Variants in DNAH9 observed in about 807,000 individuals in gnomAD.
DNAH9 encodes the protein DNAH9 variant protein.
In DNAH9, 345 loss-of-function variants were observed where a neutral mutation model predicts 471.6. The observed-to-expected ratio is 0.73, with a 90% CI of 0.67 to 0.80. The LOEUF is 0.80. Among genes scored for constraint, DNAH9 ranks in the 30% least tolerant of loss-of-function variants. DNAH9 has a pLI of 0.00. For synonymous variants in DNAH9, 2,093 were observed against 2,123.6 expected, an observed-to-expected ratio of 0.99 and a Z score of 0.40; for missense variants, 5,407 against 5,609.2, an observed-to-expected ratio of 0.96 and a Z score of 1.15.
In DNAH9 at chr17:11,679,854, C is replaced by T. The variant is rs1337808919; in HGVS notation, c.3451C>T (p.His1151Tyr). The stretch of plus-strand genomic sequence containing the variant: ...CCAAGGCTTGGTTGAGATCATGGGA[C>T]ACCTTATGGCTGTTAAAGAACGGCA... ...DFQGLVEIMG[H>Y]LMAVKERQSN... is the part of the protein sequence containing the mutation. The change falls in exon 18 of 69, where the codon CAC becomes TAC. Residue 1151 changes from histidine (H) to tyrosine (Y), a missense_variant. His to Tyr is a moderately conservative substitution (Grantham distance 83). Coordinates refer to ENST00000262442, the MANE Select transcript of DNAH9 (RefSeq NM_001372.4). 1.9e-6 allele frequency: 3 copies of T among 1,614,010 alleles called. No homozygotes were observed. The highest frequency in any genetic ancestry group is 1.1e-5 in the South Asian group (1 of 91,080).
chr17:11,789,868 C>G (rs749632397), intron 41 of DNAH9, among the ~76,000 whole-genome samples: 64 of 151,984 alleles, frequency 4.2e-4, no homozygotes, highest in Non-Finnish European at 2.8e-4. Flanking sequence ...CTACATCATG[C>G]AAGCTTTTAT....
At chr17:11,767,293 TAAGAATGGGG>T (rs1967992897) in intron 36 of DNAH9, among the ~76,000 whole-genome samples, 2 of 152,168 alleles carry the variant, frequency 1.3e-5, no homozygotes, top group South Asian at 4.1e-4. Context: ...ATCTAGGAGT[TAAGAATGGGG>T]GTTTCCTCTA....
In DNAH9 at chr17:11,699,820, C is replaced by T. The variant is rs753404936; in HGVS notation, c.4962C>T (p.Leu1654=). The change falls in exon 23 of 69, where the codon CTC becomes CTT. Residue 1654 remains leucine (L), a synonymous_variant. Coordinates refer to ENST00000262442, the MANE Select transcript of DNAH9 (RefSeq NM_001372.4). ...DASGEPTKTS[L]GMYSKEEEYV... ...GTGGGGAACCAACCAAGACAAGCCT[C>T]GGCATGTACAGCAAAGAAGAGGAGT... 54 of 1,613,908 alleles carry T rather than the reference C, an allele frequency of 3.3e-5. No homozygotes were observed. Among genetic ancestry groups the T allele is most frequent in the Admixed American group, 2.3e-4 (14 of 60,002 alleles).
At chr17:11,922,297 AT>A (rs1974162514) in intron 61 of DNAH9, among the ~76,000 whole-genome samples, 1 of 152,222 alleles carries the variant, frequency 6.6e-6, no homozygotes. Context: ...CTGAAACTAA[AT>A]TTTTTTTAAG....
rs138117938 is a variant in DNAH9 at position 11,637,974 on chromosome 17, A to T, written c.1786+1190A>T. 1.9e-3 allele frequency among the ~76,000 whole-genome samples: 286 copies of T among 152,234 alleles called. 5 individuals carry two copies. In the East Asian group the frequency reaches 0.048, roughly 25 times the overall value. ...GAGGAGACAAAGGCCTTCAAAGCAGATATGAGAGGATATGGAATGTGATCA... is the reference window on the plus strand; with the variant it reads ...GAGGAGACAAAGGCCTTCAAAGCAGTTATGAGAGGATATGGAATGTGATCA... On this transcript the variant is annotated intron_variant, in intron 9 of 68. Coordinates refer to ENST00000262442, the MANE Select transcript of DNAH9 (RefSeq NM_001372.4).
chr17:11,939,298 C>T (rs1356638268), intron 66 of DNAH9, among the ~76,000 whole-genome samples: 1 of 152,136 alleles, frequency 6.6e-6, no homozygotes, highest in East Asian at 1.9e-4. Context: ...CTGGAAAAGG[C>T]TGAGACTGTA....
At chr17:11,732,738 T>A (rs2075289087) in intron 28 of DNAH9, among the ~76,000 whole-genome samples, 1 of 152,252 alleles carries the variant, frequency 6.6e-6, no homozygotes, top group African/African-American at 2.4e-5. Flanking sequence ...CAGCTGTCTA[T>A]GCTTTGGGTT....
chr17:11,893,125 C>T (rs1973103915), intron 58 of DNAH9, among the ~76,000 whole-genome samples: 1 of 148,288 alleles, frequency 6.7e-6, no homozygotes, highest in African/African-American at 2.5e-5. Flanking sequence ...TTTGCCTCAC[C>T]CCTCTCACCC....
intron 48 of DNAH9, among the ~76,000 whole-genome samples, chr17:11,832,625 C>T (rs1336900924): frequency 2.0e-5 from 3 of 152,202 alleles, no homozygotes; most frequent in African/African-American, 7.2e-5. Context: ...AGAGCATTCT[C>T]TTTTTTCCCT....
At chr17:11,668,105 AGCAAG>A (rs1352256148) in intron 15 of DNAH9, among the ~76,000 whole-genome samples, 2 of 152,252 alleles carry the variant, frequency 1.3e-5, no homozygotes, top group East Asian at 3.8e-4. Flanking sequence ...ATTTAAATTT[AGCAAG>A]GCAAGTTGAC....
chr17:11,840,091 A>G (rs556302947), intron 49 of DNAH9, among the ~76,000 whole-genome samples: 4 of 152,290 alleles, frequency 2.6e-5, no homozygotes, highest in Non-Finnish European at 5.9e-5. Context: ...TGAAATCAAC[A>G]CCTCATAGAG....
chr17:11,957,423 C>G lies in DNAH9; in HGVS notation c.12844-4444C>G, dbSNP rs141176159. On this transcript the variant is annotated intron_variant, in intron 67 of 68. Transcript: ENST00000262442. The stretch of plus-strand genomic sequence containing the variant: ...TCCTCCTGCTAAGTATAAATAAAAA[C>G]CATGGCCATTTTATACAGAAGAAAC... Among the ~76,000 whole-genome samples the G allele has an allele frequency of 2.5e-4, 38 of 152,108 alleles. 2 individuals are homozygous for G. In the East Asian group the frequency reaches 6.7e-3, roughly 27 times the overall value.
intron 15 of DNAH9, among the ~76,000 whole-genome samples, chr17:11,667,515 A>G (rs2073892998): frequency 6.6e-6 from 1 of 152,174 alleles, no homozygotes; most frequent in Admixed American, 6.5e-5. Flanking sequence ...TATTTTGAGT[A>G]TACTGCAGTA....
Position 11,690,448 on chromosome 17 carries a change from G to A in DNAH9, c.4614+12G>A, listed in dbSNP as rs562546170. ...CACAGCTACCCCAGGTACCTGCTAA[G>A]GAAATCTAGAATCTCTCTATTCTCT... is the stretch of plus-strand genomic sequence containing the variant. On this transcript the variant is annotated intron_variant, in intron 20 of 68. Transcript: ENST00000262442. 5 of 1,608,470 alleles carry A rather than the reference G, an allele frequency of 3.1e-6. No homozygotes were observed. The African/African-American group carries it at 5.3e-5, about 17-fold the overall frequency.
At chr17:11,725,972 G>A (rs182652167) in intron 27 of DNAH9, among the ~76,000 whole-genome samples, 2 of 152,186 alleles carry the variant, frequency 1.3e-5, no homozygotes, top group Non-Finnish European at 1.5e-5. Context: ...GTTCTCTGCT[G>A]CAAACCTCCA....
rs2072321669 is a variant in DNAH9, at chr17:11,598,885, T to G, written c.387T>G (p.Pro129=). 1 of 1,539,988 alleles carries G rather than the reference T, an allele frequency of 6.5e-7. No individual in the cohort carries two copies. The highest frequency in any genetic ancestry group is 1.4e-5 in the African/African-American group (1 of 71,120). The change falls in exon 1 of 69, where the codon CCT becomes CCG. Residue 129 remains proline, a synonymous_variant. Transcript: ENST00000262442. The part of the protein sequence containing the change: ...AVVCGDLPAA[P]LEHLAALFSE... ...TCTGCGGGGACCTGCCCGCGGCACC[T>G]CTGGAGCACCTAGCCGCGCTGTTCT...
intron 28 of DNAH9, among the ~76,000 whole-genome samples, chr17:11,728,313 G>A (rs1483719635): frequency 6.6e-6 from 1 of 152,078 alleles, no homozygotes; most frequent in Non-Finnish European, 1.5e-5. Context: ...TGGAATCTTT[G>A]GGAAAGTTAT....
At chr17:11,760,732 A>G (rs1967629497) in intron 35 of DNAH9, among the ~76,000 whole-genome samples, 1 of 152,014 alleles carries the variant, frequency 6.6e-6, no homozygotes, top group Non-Finnish European at 1.5e-5. Context: ...GTTTGCCAGG[A>G]TGGTCTCAAT....
intron 38 of DNAH9, among the ~76,000 whole-genome samples, chr17:11,770,982 A>G (rs1968183236): frequency 6.6e-6 from 1 of 152,156 alleles, no homozygotes; most frequent in African/African-American, 2.4e-5. Flanking sequence ...CACCATTATA[A>G]ACATTTCCAC....
Sources: gnomAD v4.1 joint callset for allele counts (sites outside exome capture counted in the v4.1 genomes callset) on GRCh38, gnomAD v4.1.1 for gene constraint, MANE v1.5 for transcripts, NCBI Gene and HGNC (gene_info 2026-07-23, HGNC 2026-07-21) for gene names.